USP54: variants seen among roughly 807,000 people sequenced by gnomAD.
USP54 encodes ubiquitin specific peptidase 54, also known as ubiquitin carboxyl-terminal hydrolase 54.
Under a neutral mutation model 170.5 loss-of-function variants are expected in USP54, and 87 were observed. The ratio of observed to expected loss-of-function variants is 0.51; its 90% confidence interval spans 0.43 to 0.61. The LOEUF (loss-of-function observed/expected upper bound fraction) is 0.61. USP54 is among the 20% of genes least tolerant of loss of function. USP54 has a pLI of 0.00. For synonymous variants in USP54, 655 were observed against 742.8 expected (o/e 0.88, Z 1.92); for missense variants, 1,786 against 2,047.8 (o/e 0.87, Z 2.47).
At position 73,530,766 on chromosome 10, in the gene USP54, C is replaced by G; in HGVS notation, c.1385G>C (p.Arg462Thr). The change falls in exon 13 of 24, where the codon AGG becomes ACG. Residue 462 changes from arginine to threonine, a missense_variant. By Grantham distance (71) the Arg-to-Thr change is moderately conservative. Around this residue, in one of 3 missense-constraint regions of USP54, gnomAD observed 1,418 missense variants for 1,569.0 expected, o/e 0.90. Coordinates refer to ENST00000687698, the MANE Select transcript of USP54 (RefSeq NM_001391956.1). ...SKKGSLIERK[R>T]SSGRVRRKGD... ...TTTCCTCCTAACCCGACCAGAGCTCCTCTTGCGCTCTATCAGTGACCCTTT... is the reference window on the plus strand; with the variant it reads ...TTTCCTCCTAACCCGACCAGAGCTCGTCTTGCGCTCTATCAGTGACCCTTT... 6.2e-7 allele frequency: 1 copy of G among 1,614,076 alleles called. No homozygotes were observed. The highest frequency in any genetic ancestry group is 8.5e-7 in the Non-Finnish European group (1 of 1,179,946).
intron 4 of USP54, among the ~76,000 whole-genome samples, chr10:73,569,172 C>T (rs2133776055): frequency 6.6e-6 from 1 of 152,280 alleles, no homozygotes; most frequent in South Asian, 2.1e-4. Context: ...TATCCCCAAA[C>T]ACGTTTTTTT....
At chr10:73,523,873 TTTATTATTTATTA>T (rs1307399686) in intron 16 of USP54, 123 bp from the exon 17 acceptor site, 39 of 198,060 alleles carry the variant, frequency 2.0e-4, no homozygotes, top group Middle Eastern at 1.7e-3. Context: ...AGTTTATTTA[TTTATTATTTATTA>T]TTATTATTAT....
intron 4 of USP54, among the ~76,000 whole-genome samples, chr10:73,564,747 G>A (rs2073882176): frequency 1.3e-5 from 2 of 152,058 alleles, no homozygotes; most frequent in Admixed American, 6.6e-5. Flanking sequence ...ATCCTCCAGA[G>A]CTCTTTTTTC....
At position 73,541,687 on chromosome 10, in the gene USP54, C is replaced by T; in HGVS notation, c.624G>A (p.Met208Ile). Reference protein sequence around the residue: ...LERREKPSPSMFGELLQNAST... With the variant: ...LERREKPSPSIFGELLQNAST... ...TGGCATTCTGCAGCAGCTCACCAAA[C>T]ATGCTTGGTGAAGGTTTCTCTCGTC... is the stretch of plus-strand genomic sequence containing the variant. The change falls in exon 8 of 24, where the codon ATG (methionine) becomes ATA (isoleucine). Residue 208 changes from methionine to isoleucine, a missense_variant. Transcript: ENST00000687698. The T allele has an allele frequency of 2.5e-6, 4 of 1,614,188 alleles. No individual in the cohort carries two copies. The highest frequency in any genetic ancestry group is 3.4e-6 in the Non-Finnish European group (4 of 1,180,038).
chr10:73,517,889 T>C, intron 19 of USP54, 142 bp from the exon 20 acceptor site: 1 of 1,114,262 alleles, frequency 9.0e-7, no homozygotes, highest in East Asian at 2.5e-5. Flanking sequence ...ACAAGTAGAG[T>C]CAGTAGTTCA....
chr10:73,579,221 GAT>G (rs2076545135), intron 1 of USP54, among the ~76,000 whole-genome samples: 1 of 151,962 alleles, frequency 6.6e-6, no homozygotes, highest in South Asian at 2.1e-4. Flanking sequence ...ACAGCGCTGG[GAT>G]TACAGGTGTG....
At chr10:73,589,910 T>A (rs2078031734) in intron 1 of USP54, among the ~76,000 whole-genome samples, 1 of 152,182 alleles carries the variant, frequency 6.6e-6, no homozygotes, top group South Asian at 2.1e-4. Context: ...AATACTCAAA[T>A]GAAAACATGC....
At chr10:73,573,755 ACT>A (rs1039752306) in intron 3 of USP54, among the ~76,000 whole-genome samples, 3 of 152,102 alleles carry the variant, frequency 2.0e-5, no homozygotes, top group Non-Finnish European at 2.9e-5. Flanking sequence ...ACAGAGTGAG[ACT>A]CTGTCTGAAA....
Position 73,520,006 on chromosome 10 carries a change from G to GA in USP54, c.2483-15dup. ...GTCTTAGTTTAGCTAAAATGCAAAA[G>GA]AAAATATAGCAGAAACAGAACACAA... On this transcript the variant is annotated splice_polypyrimidine_tract_variant and intron_variant, in intron 18 of 23. Transcript: ENST00000687698. 2 of 1,573,122 alleles carry GA rather than the reference G, an allele frequency of 1.3e-6. No homozygotes were observed. Among genetic ancestry groups the GA allele is most frequent in the Non-Finnish European group, 1.7e-6 (2 of 1,157,312 alleles).
At chr10:73,593,686 T>C (rs180881922), upstream of USP54, among the ~76,000 whole-genome samples, 83 of 152,282 alleles carry the variant, frequency 5.5e-4, no homozygotes, top group Non-Finnish European at 1.1e-3. Flanking sequence ...TAAATATTAT[T>C]AGCAAGGAGA....
intron 7 of USP54, among the ~76,000 whole-genome samples, chr10:73,542,515 C>T (rs1331672087): frequency 2.0e-5 from 3 of 152,096 alleles, no homozygotes; most frequent in African/African-American, 7.2e-5. Flanking sequence ...TTTGAGGTCA[C>T]GAGTTCAAGA....
chr10:73,508,514 G>T lies in USP54; in HGVS notation c.4052-3088C>A, dbSNP rs550192851. 9.2e-5 allele frequency among the ~76,000 whole-genome samples: 14 copies of T among 151,980 alleles called. No homozygotes were observed. In the South Asian group the frequency reaches 2.9e-3, roughly 32 times the overall value. On this transcript the variant is annotated intron_variant, in intron 20 of 23. Transcript: ENST00000687698. ...GATGATGTCTACCCTCTCATCAATA[G>T]AAAGACTACCAGACATTATGTATTC...
chr10:73,537,236 A>G (rs966372838), intron 10 of USP54, among the ~76,000 whole-genome samples: 8 of 152,244 alleles, frequency 5.3e-5, no homozygotes, highest in Non-Finnish European at 1.2e-4. Context: ...TAATATAATC[A>G]TATTTACTAC....
chr10:73,526,086 T>G (rs1233472053), intron 16 of USP54, among the ~76,000 whole-genome samples: 4 of 152,220 alleles, frequency 2.6e-5, no homozygotes, highest in Admixed American at 2.0e-4. Flanking sequence ...TTAGTAACAC[T>G]GTTCACCATA....
At chr10:73,605,985 C>T (rs907493814) in intron 1 of USP54, among the ~76,000 whole-genome samples, 7 of 151,896 alleles carry the variant, frequency 4.6e-5, no homozygotes, top group Middle Eastern at 3.4e-3. Context: ...CAAGACCAGC[C>T]TGGCCAACAT....
At chr10:73,557,549 G>T (rs1476022463) in intron 4 of USP54, among the ~76,000 whole-genome samples, 1 of 148,252 alleles carries the variant, frequency 6.7e-6, no homozygotes, top group African/African-American at 2.5e-5. Context: ...GCAGTGGCGC[G>T]ATCTCAGCTC....
intron 17 of USP54, 139 bp downstream of exon 17, chr10:73,523,444 G>T: frequency 9.6e-7 from 1 of 1,040,198 alleles, no homozygotes; most frequent in Non-Finnish European, 1.4e-6. Flanking sequence ...ACTCTAACTT[G>T]TTCTCACTGG....
chr10:73,623,143 C>T (rs771765192), intron 1 of USP54, among the ~76,000 whole-genome samples: 13 of 151,488 alleles, frequency 8.6e-5, no homozygotes, highest in Non-Finnish European at 1.5e-4. Flanking sequence ...TTTGGGAAGC[C>T]AAGCTGCCAA....
intron 1 of USP54, among the ~76,000 whole-genome samples, chr10:73,579,616 G>A (rs1278356307): frequency 6.6e-6 from 1 of 151,988 alleles, no homozygotes; most frequent in African/African-American, 2.4e-5. Flanking sequence ...AATTAGCTGG[G>A]TGTGGTGGCA....
Sources: allele counts gnomAD v4.1 joint callset (sites outside exome capture counted in the v4.1 genomes callset), GRCh38; gene constraint gnomAD v4.1.1; regional missense constraint gnomAD v4.1.1; transcripts MANE v1.5; gene names NCBI Gene and HGNC (gene_info 2026-07-23, HGNC 2026-07-21).